The following ARMC8 variants were observed in gnomAD, a reference collection of about 807,000 sequenced individuals.
ARMC8 encodes armadillo repeat-containing protein 8.
A neutral mutation model predicts 99.3 loss-of-function variants in ARMC8; 20 were observed. That is an observed-to-expected ratio of 0.20 (90% CI 0.14 to 0.29). ARMC8 has a LOEUF of 0.29. Ranked by LOEUF, ARMC8 falls within the 10% of genes least tolerant of loss-of-function variation. ARMC8 has a pLI of 1.00. For missense variants in ARMC8, 569 were observed against 809.5 expected, an observed-to-expected ratio of 0.70 and a Z score of 3.60; for synonymous variants, 263 against 278.3, an observed-to-expected ratio of 0.95 and a Z score of 0.55.
chr3:138,187,538 G>A lies in ARMC8; in HGVS notation c.-17G>A, dbSNP rs531428764. 60 of 1,535,620 alleles carry A rather than the reference G, an allele frequency of 3.9e-5. No homozygotes were observed. The South Asian group carries it at 6.7e-4, about 17-fold the overall frequency. ...CCCCGCGCCGGCGCCTGCAGCAGCC[G>A]GGTGGGAAGGCTCAAGATGGCGTGC... On this transcript the variant is annotated 5_prime_UTR_variant, in exon 1 of 22. Transcript: ENST00000469044.
At chr3:138,262,972 G>C (rs950186215) in intron 12 of ARMC8, among the ~76,000 whole-genome samples, 1 of 152,126 alleles carries the variant, frequency 6.6e-6, no homozygotes, top group East Asian at 1.9e-4. Flanking sequence ...GGTTAAATTG[G>C]GTAATATAAC....
At chr3:138,253,501 GATCCA>G (rs1371253291) in intron 12 of ARMC8, among the ~76,000 whole-genome samples, 1 of 152,074 alleles carries the variant, frequency 6.6e-6, no homozygotes, top group African/African-American at 2.4e-5. Context: ...TACCATTATA[GATCCA>G]AATTATGGCA....
In ARMC8 at chr3:138,296,541, T is replaced by G. The variant is rs557220099; in HGVS notation, c.*649T>G. ...TCAACTTACATAGATTTTCTTTATA[T>G]AAAAAAAAAGAAAAAAAAAGAAAAA... is the stretch of plus-strand genomic sequence containing the variant. On this transcript the variant is annotated 3_prime_UTR_variant, in exon 22 of 22. Transcript: ENST00000469044. 1.3e-5 allele frequency: 2 copies of G among 149,454 alleles called. No individual in the cohort carries two copies. Among genetic ancestry groups the G allele is most frequent in the African/African-American group, 2.5e-5 (1 of 40,512 alleles). The allele number at this position is 149,454 out of a possible 1,614,324, so 9.3% of individuals were successfully genotyped here.
At chr3:138,264,986 C>T (rs1417638777) in intron 14 of ARMC8, among the ~76,000 whole-genome samples, 2 of 151,610 alleles carry the variant, frequency 1.3e-5, no homozygotes, top group Admixed American at 6.6e-5. Context: ...CAGCCTTGTG[C>T]CCCCCGGCCC....
chr3:138,235,262 G>T, intron 7 of ARMC8, 148 bp downstream of exon 7: 3 of 507,230 alleles, frequency 5.9e-6, no homozygotes, highest in East Asian at 3.5e-5. Flanking sequence ...TTTAGCTATA[G>T]AATGCTCTTT....
chr3:138,237,287 G>C, intron 7 of ARMC8, 22 bp from the exon 8 acceptor site: 1 of 1,602,678 alleles, frequency 6.2e-7, no homozygotes, highest in South Asian at 1.1e-5. Context: ...CACATTTTTT[G>C]TTTGTTCATT....
At chr3:138,282,914 T>G (rs1336659040) in intron 18 of ARMC8, among the ~76,000 whole-genome samples, 1 of 152,192 alleles carries the variant, frequency 6.6e-6, no homozygotes, top group Non-Finnish European at 1.5e-5. Flanking sequence ...AGAGTATTGT[T>G]CCTACCAAGA....
At chr3:138,209,115 C>G (rs2044553524) in intron 1 of ARMC8, among the ~76,000 whole-genome samples, 1 of 152,250 alleles carries the variant, frequency 6.6e-6, no homozygotes, top group Admixed American at 6.5e-5. Flanking sequence ...AGTCCTCACT[C>G]TTCCCTGGCT....
At chr3:138,190,360 C>G (rs1215176346) in intron 1 of ARMC8, among the ~76,000 whole-genome samples, 1 of 145,182 alleles carries the variant, frequency 6.9e-6, no homozygotes, top group Non-Finnish European at 1.5e-5. Context: ...AATCTCGACT[C>G]ACTGCAACCA....
At chr3:138,285,115 C>T (rs540887330) in intron 19 of ARMC8, among the ~76,000 whole-genome samples, 1 of 152,348 alleles carries the variant, frequency 6.6e-6, no homozygotes, top group South Asian at 2.1e-4. Flanking sequence ...GAGTTAACAA[C>T]TGCAGAGAAA....
intron 1 of ARMC8, among the ~76,000 whole-genome samples, chr3:138,192,981 AT>A (rs2043477968): frequency 6.6e-6 from 1 of 151,484 alleles, no homozygotes; most frequent in African/African-American, 2.4e-5. Context: ...ATTTTATTTT[AT>A]TTTTGATATG....
At chr3:138,194,341 C>CTTT (rs34445278) in intron 1 of ARMC8, among the ~76,000 whole-genome samples, 12 of 126,572 alleles carry the variant, frequency 9.5e-5, no homozygotes, top group South Asian at 2.5e-4. Context: ...CTGCGCCCAG[C>CTTT]TTTTTTTTTT....
intron 1 of ARMC8, among the ~76,000 whole-genome samples, chr3:138,190,281 CTTTTTTTTTT>C (rs141579108): frequency 0.017 from 1,948 of 114,362 alleles, 34 homozygotes; most frequent in African/African-American, 0.026. Context: ...ATTTTCTTAT[CTTTTTTTTTT>C]TTTTTTTTTT....
chr3:138,277,968 T>C (rs760830282), intron 18 of ARMC8, among the ~76,000 whole-genome samples: 5 of 152,174 alleles, frequency 3.3e-5, no homozygotes, highest in Non-Finnish European at 7.3e-5. Flanking sequence ...GAATCTCAAA[T>C]GCATTACGCT....
chr3:138,230,072 A>G (rs1304186918), intron 6 of ARMC8, among the ~76,000 whole-genome samples: 3 of 152,202 alleles, frequency 2.0e-5, no homozygotes, highest in Non-Finnish European at 4.4e-5. Context: ...ATCACAATCT[A>G]TTCAGTACTA....
intron 12 of ARMC8, among the ~76,000 whole-genome samples, chr3:138,247,516 C>T (rs1192530001): frequency 6.6e-6 from 1 of 152,092 alleles, no homozygotes; most frequent in Non-Finnish European, 1.5e-5. Flanking sequence ...GTTGGTCTGC[C>T]ATTTAAATTA....
intron 19 of ARMC8, among the ~76,000 whole-genome samples, chr3:138,286,500 C>T (rs1464010292): frequency 6.6e-6 from 1 of 152,154 alleles, no homozygotes; most frequent in Admixed American, 6.6e-5. Context: ...TGCGTGACAC[C>T]ATACCTCCCT....
At chr3:138,293,917 C>T (rs1352676635) in intron 21 of ARMC8, among the ~76,000 whole-genome samples, 1 of 152,216 alleles carries the variant, frequency 6.6e-6, no homozygotes, top group Non-Finnish European at 1.5e-5. Flanking sequence ...TTTAGCTCTT[C>T]TTAAACGTAA....
intron 11 of ARMC8, among the ~76,000 whole-genome samples, chr3:138,243,353 A>G (rs531880381): frequency 1.3e-5 from 2 of 152,306 alleles, no homozygotes; most frequent in South Asian, 2.1e-4. Flanking sequence ...ATTTTTGATG[A>G]TGGATTATCC....
Sources: allele counts gnomAD v4.1 joint callset (sites outside exome capture counted in the v4.1 genomes callset), GRCh38; gene constraint gnomAD v4.1.1; transcripts MANE v1.5; gene names NCBI Gene and HGNC (gene_info 2026-07-23, HGNC 2026-07-21).